Variants in EXOC4 observed in about 807,000 individuals in gnomAD.
EXOC4 encodes exocyst complex component 4.
EXOC4 carries 71 observed loss-of-function variants against 107.2 expected under a neutral mutation model. The ratio of observed to expected loss-of-function variants is 0.66; its 90% CI spans 0.55 to 0.81. EXOC4 has a LOEUF of 0.81. EXOC4 is among the 30% of genes least tolerant of loss of function. EXOC4 has a pLI of 0.00. For missense variants in EXOC4, 1,108 were observed against 1,189.6 expected (o/e 0.93, Z 1.01); for synonymous variants, 456 against 441.2 (o/e 1.03, Z -0.42).
chr7:133,425,767 T>C (rs1227443633), intron 7 of EXOC4, among the ~76,000 whole-genome samples: 11 of 152,254 alleles, frequency 7.2e-5, no homozygotes, highest in African/African-American at 1.9e-4. Flanking sequence ...CCTCTGCAAA[T>C]AGGAACTTTG....
intron 3 of EXOC4, among the ~76,000 whole-genome samples, chr7:133,297,045 CA>C (rs1477841041): frequency 6.6e-6 from 1 of 152,152 alleles, no homozygotes; most frequent in Non-Finnish European, 1.5e-5. Flanking sequence ...CATTTAGCAA[CA>C]GTGGTAAGTA....
At chr7:133,794,783 A>G (rs964718983) in intron 10 of EXOC4, among the ~76,000 whole-genome samples, 5 of 151,776 alleles carry the variant, frequency 3.3e-5, no homozygotes, top group Non-Finnish European at 7.4e-5. Flanking sequence ...ATCACAATGG[A>G]TAGTTGTCTT....
At chr7:133,804,559 T>C (rs1396644831) in intron 10 of EXOC4, among the ~76,000 whole-genome samples, 1 of 152,140 alleles carries the variant, frequency 6.6e-6, no homozygotes, top group Admixed American at 6.5e-5. Flanking sequence ...ATCCATCCTG[T>C]TGAAAAAGAG....
chr7:134,006,369 T>C (rs1794643420), intron 16 of EXOC4, among the ~76,000 whole-genome samples: 2 of 152,138 alleles, frequency 1.3e-5, no homozygotes, highest in Admixed American at 6.6e-5. Flanking sequence ...AAACTTGGCC[T>C]ACAGAGATTT....
chr7:133,519,527 C>T (rs1207091029), intron 9 of EXOC4, among the ~76,000 whole-genome samples: 1 of 151,998 alleles, frequency 6.6e-6, no homozygotes, highest in African/African-American at 2.4e-5. Context: ...AACACTACAG[C>T]CTCAAACATG....
intron 11 of EXOC4, among the ~76,000 whole-genome samples, chr7:133,818,120 G>A (rs1797419785): frequency 6.6e-6 from 1 of 152,090 alleles, no homozygotes; most frequent in Admixed American, 6.5e-5. Flanking sequence ...TAATCTGTCA[G>A]TAGATTTTTT....
At chr7:133,826,088 A>T (rs1360190183) in intron 11 of EXOC4, among the ~76,000 whole-genome samples, 1 of 152,064 alleles carries the variant, frequency 6.6e-6, no homozygotes, top group Admixed American at 6.5e-5. Flanking sequence ...GCTACCTAAG[A>T]CTTTATTGAG....
intron 10 of EXOC4, among the ~76,000 whole-genome samples, chr7:133,639,813 C>T (rs1045501909): frequency 2.6e-5 from 4 of 151,828 alleles, no homozygotes; most frequent in Non-Finnish European, 5.9e-5. Context: ...TTTTTAAACT[C>T]GATGAGCATT....
downstream of EXOC4, among the ~76,000 whole-genome samples, chr7:134,067,486 G>A (rs1424735287): frequency 3.3e-5 from 5 of 152,060 alleles, no homozygotes; most frequent in African/African-American, 1.2e-4. Context: ...AGTCCTCACA[G>A]CAACCCTTAT....
At chr7:133,887,339 A>G (rs1350551780) in intron 11 of EXOC4, among the ~76,000 whole-genome samples, 1 of 152,196 alleles carries the variant, frequency 6.6e-6, no homozygotes, top group Admixed American at 6.5e-5. Flanking sequence ...AGTTTCTTTT[A>G]TTAATCGTAT....
intron 7 of EXOC4, among the ~76,000 whole-genome samples, chr7:133,401,519 G>T (rs1370896566): frequency 6.6e-6 from 1 of 151,918 alleles, no homozygotes; most frequent in African/African-American, 2.4e-5. Context: ...AACATTAGCT[G>T]GGTGTGGTTG....
chr7:133,960,261 A>T (rs1409803516), intron 14 of EXOC4, among the ~76,000 whole-genome samples: 1 of 152,256 alleles, frequency 6.6e-6, no homozygotes, highest in South Asian at 2.1e-4. Context: ...TAAAACTGTT[A>T]TAAGGAATTT....
At chr7:133,275,617 C>T (rs1793971371) in intron 2 of EXOC4, among the ~76,000 whole-genome samples, 1 of 152,160 alleles carries the variant, frequency 6.6e-6, no homozygotes, top group South Asian at 2.1e-4. Flanking sequence ...TATTGACACT[C>T]ACATGAATTG....
chr7:134,014,296 C>T (rs569154200), intron 17 of EXOC4, among the ~76,000 whole-genome samples: 53 of 152,094 alleles, frequency 3.5e-4, no homozygotes, highest in African/African-American at 1.3e-3. Flanking sequence ...CCCAACTACT[C>T]GGGAGGGTGA....
At chr7:134,069,427 T>TCTCCTCCTCCTTCTCCTG (rs1354579920), downstream of EXOC4, among the ~76,000 whole-genome samples, 2 of 144,756 alleles carry the variant, frequency 1.4e-5, no homozygotes, top group African/African-American at 2.6e-5. Flanking sequence ...TTCCTCCTCT[T>TCTCCTCCTCCTTCTCCTG]CTCCTCCTCC....
chr7:133,642,342 C>A (rs890500166), intron 10 of EXOC4, among the ~76,000 whole-genome samples: 1 of 152,138 alleles, frequency 6.6e-6, no homozygotes, highest in African/African-American at 2.4e-5. Flanking sequence ...CTTTTTTACA[C>A]GTAGAAGATT....
At chr7:133,284,931 A>G (rs1794241797) in intron 2 of EXOC4, among the ~76,000 whole-genome samples, 1 of 152,200 alleles carries the variant, frequency 6.6e-6, no homozygotes. Flanking sequence ...CCAACATCTC[A>G]GAGATGCTGA....
intron 1 of EXOC4, among the ~76,000 whole-genome samples, chr7:133,264,373 C>G (rs541657252): frequency 6.6e-6 from 1 of 152,264 alleles, no homozygotes; most frequent in East Asian, 1.9e-4. Flanking sequence ...TCACTTGATA[C>G]TAAATACATC....
At chr7:133,665,761 T>C (rs1402242870) in intron 10 of EXOC4, among the ~76,000 whole-genome samples, 3 of 152,144 alleles carry the variant, frequency 2.0e-5, no homozygotes, top group Non-Finnish European at 4.4e-5. Context: ...CTGGTATGAC[T>C]CTTTTCTATA....
Sources: allele counts gnomAD v4.1 joint callset (sites outside exome capture counted in the v4.1 genomes callset), GRCh38; gene constraint gnomAD v4.1.1; transcripts MANE v1.5; gene names NCBI Gene and HGNC (gene_info 2026-07-23, HGNC 2026-07-21).